NOMO2: variants seen among roughly 807,000 people sequenced by gnomAD.
NOMO2 encodes NODAL modulator 2, also known as BOS complex subunit NOMO2.
In NOMO2, 14 loss-of-function variants were observed where a neutral mutation model predicts 67.1. That is an observed-to-expected ratio of 0.21 (90% CI 0.14 to 0.33). The LOEUF is 0.33. Ranked by LOEUF, NOMO2 falls within the 10% of genes least tolerant of loss-of-function variation. The probability of loss-of-function intolerance (pLI) is 1.00; values close to 1 mark genes in which losing one functional copy is unlikely to be tolerated. For synonymous variants in NOMO2, 80 were observed against 305.9 expected (o/e 0.26, Z 7.71); for missense variants, 178 against 761.0 (o/e 0.23, Z 9.01).
chr16:18,562,072 G>A lies in NOMO2; in HGVS notation c.-32C>T, dbSNP rs1454017122. ...ACCTCCCCCAGCTAGACCCACCGCC[G>A]GCAGCCGGGTCCCGCCCCTCACACT... is the stretch of plus-strand genomic sequence containing the variant. On this transcript the variant is annotated 5_prime_UTR_variant, in exon 1 of 31. Transcript: ENST00000622306. The A allele has an allele frequency of 6.4e-6, 9 of 1,412,482 alleles. No individual in the cohort carries two copies. Among genetic ancestry groups the A allele is most frequent in the Admixed American group, 6.8e-5 (2 of 29,206 alleles). The allele number at this position is 1,412,482 out of a possible 1,614,324, so 87.5% of individuals were successfully genotyped here.
intron 1 of NOMO2, among the ~76,000 whole-genome samples, chr16:18,559,700 C>T (rs1339849061): frequency 4.0e-5 from 6 of 151,814 alleles, no homozygotes; most frequent in East Asian, 2.0e-4. Context: ...CAGCCTAGAC[C>T]GGTTAGGGAG....
chr16:18,555,712 G>C, intron 2 of NOMO2, among the ~76,000 whole-genome samples: 1 of 128,622 alleles, frequency 7.8e-6, no homozygotes, highest in Non-Finnish European at 1.7e-5. Context: ...GGGTTCAAGC[G>C]ATTCTCCTGC....
chr16:18,538,573 G>A lies in NOMO2; in HGVS notation c.1173C>T (p.Ile391=), dbSNP rs1901474002. 2 of 1,613,370 alleles carry A rather than the reference G, an allele frequency of 1.2e-6. No individual in the cohort carries two copies. The highest frequency in any genetic ancestry group is 2.7e-5 in the African/African-American group (2 of 74,942). ...GCTGAGGTGTGTTCGGTGCAATTTT[G>A]ATGGTGACCGTTTCAAAGTAGAGGT... ...KEHLYFETVT[I]KIAPNTPQLA... The change falls in exon 11 of 31, where the codon ATC becomes ATT. Residue 391 remains isoleucine (I), a synonymous_variant. Transcript: ENST00000622306.
intron 16 of NOMO2, among the ~76,000 whole-genome samples, chr16:18,526,275 G>A (rs540548618): frequency 3.3e-5 from 5 of 152,214 alleles, no homozygotes; most frequent in East Asian, 3.9e-4. Flanking sequence ...ACAAATGTTG[G>A]CGAAGGAGGT....
chr16:18,539,625 C>T (rs1901503284), intron 9 of NOMO2, among the ~76,000 whole-genome samples: 1 of 151,918 alleles, frequency 6.6e-6, no homozygotes, highest in African/African-American at 2.4e-5. Context: ...GGTGTGGTGG[C>T]AGGCGCCTGT....
At chr16:18,535,319 A>C (rs951883750) in intron 11 of NOMO2, among the ~76,000 whole-genome samples, 7 of 151,976 alleles carry the variant, frequency 4.6e-5, no homozygotes, top group Non-Finnish European at 7.4e-5. Flanking sequence ...CCTGTCTCAA[A>C]AAAAAATAAA....
chr16:18,526,159 A>G (rs1230947084), intron 16 of NOMO2, among the ~76,000 whole-genome samples: 2 of 151,924 alleles, frequency 1.3e-5, no homozygotes, highest in Admixed American at 1.3e-4. Context: ...TATCTTGGGA[A>G]CCAAACAGAG....
chr16:18,529,181 G>A (rs977067029), intron 15 of NOMO2, among the ~76,000 whole-genome samples: 4 of 149,212 alleles, frequency 2.7e-5, no homozygotes, highest in African/African-American at 9.8e-5. Context: ...AGGCTGAGAA[G>A]CAGTAAATGA....
At chr16:18,562,104 C>G (rs1243632938), upstream of NOMO2, 3 of 1,356,264 alleles carry the variant, frequency 2.2e-6, no homozygotes, top group Non-Finnish European at 2.8e-6. Flanking sequence ...CACTGCACGC[C>G]GCAGGCTCCT....
In NOMO2 at chr16:18,558,795, A is replaced by G. The variant is rs368528599; in HGVS notation, c.166-1004T>C. On this transcript the variant is annotated intron_variant, in intron 1 of 30. Transcript: ENST00000622306. ...GTGTTCGGTTTCTTCAGGTGTAGAC[A>G]CAGAGCCGCTCCTTTTCATGTGGTT... The G allele has an allele frequency of 1.2e-4, 55 of 455,004 alleles. No homozygotes were observed. In the East Asian group the frequency reaches 1.8e-3, roughly 15 times the overall value. 28.2% of individuals were successfully genotyped at this position (455,004 alleles called of 1,614,324 possible).
At chr16:18,556,814 G>C (rs1303168135) in intron 2 of NOMO2, among the ~76,000 whole-genome samples, 1 of 152,032 alleles carries the variant, frequency 6.6e-6, no homozygotes, top group African/African-American at 2.4e-5. Flanking sequence ...AAAGCAATCT[G>C]TTAGGATGCC....
At chr16:18,544,045 C>CA (rs1202280260) in intron 6 of NOMO2, among the ~76,000 whole-genome samples, 4 of 145,136 alleles carry the variant, frequency 2.8e-5, no homozygotes, top group Admixed American at 7.0e-5. Context: ...AAGCGCTCGC[C>CA]ACCACGCCCG....
chr16:18,554,368 T>C (rs2141755476), intron 3 of NOMO2, among the ~76,000 whole-genome samples: 1 of 152,014 alleles, frequency 6.6e-6, no homozygotes, highest in East Asian at 1.9e-4. Context: ...GCTGACAGTC[T>C]TCTCATCTCA....
At position 18,529,988 on chromosome 16, in the gene NOMO2, T is replaced by G. The variant is rs1161108355; in HGVS notation, c.1670-351A>C. On this transcript the variant is annotated intron_variant, in intron 14 of 30. Coordinates refer to ENST00000622306, the MANE Select transcript of NOMO2 (RefSeq NM_173614.4). ...AAAGTGATCCAGGCATGGTGGTGCA[T>G]GCCTGTAATCCCAGCTACTCGGGAA... Among the ~76,000 whole-genome samples, 4 of 134,972 alleles carry G rather than the reference T, an allele frequency of 3.0e-5. No homozygotes were observed. The Admixed American group carries it at 3.0e-4, about 10-fold the overall frequency. 88.5% of individuals were successfully genotyped at this position (134,972 alleles called of 152,430 possible). A position where few individuals can be genotyped will look rare whatever the true frequency, so the allele number is the denominator to read the frequency against.
At chr16:18,530,009 G>C (rs1386729905) in intron 14 of NOMO2, among the ~76,000 whole-genome samples, 1 of 125,464 alleles carries the variant, frequency 8.0e-6, no homozygotes, top group African/African-American at 2.8e-5. Context: ...CCAGCTACTC[G>C]GGAAGCTGAG....
chr16:18,547,190 A>AT, intron 6 of NOMO2, 38 bp downstream of exon 6: 1 of 464,312 alleles, frequency 2.2e-6, no homozygotes, highest in Non-Finnish European at 3.7e-6. Flanking sequence ...CAAGACCAGC[A>AT]TATTATTGGC....
chr16:18,552,733 C>T (rs1441458721), intron 3 of NOMO2, among the ~76,000 whole-genome samples: 5 of 152,006 alleles, frequency 3.3e-5, no homozygotes, highest in African/African-American at 1.2e-4. Context: ...CCCTTGTACA[C>T]TGCTGGGAGA....
At chr16:18,525,141 C>T (rs1483197717) in intron 16 of NOMO2, among the ~76,000 whole-genome samples, 14 of 149,062 alleles carry the variant, frequency 9.4e-5, no homozygotes, top group Non-Finnish European at 1.0e-4. Flanking sequence ...ATTTTGGCCA[C>T]ACTTCCTACA....
intron 3 of NOMO2, among the ~76,000 whole-genome samples, chr16:18,554,246 C>G (rs1053348090): frequency 6.6e-6 from 1 of 151,972 alleles, no homozygotes; most frequent in African/African-American, 2.4e-5. Flanking sequence ...TTTATTAATC[C>G]TCCAAGTACC....
Sources: allele counts gnomAD v4.1 joint callset (sites outside exome capture counted in the v4.1 genomes callset), GRCh38; gene constraint gnomAD v4.1.1; transcripts MANE v1.5; gene names NCBI Gene and HGNC (gene_info 2026-07-23, HGNC 2026-07-21).